ARID5B: variants seen among roughly 807,000 people sequenced by gnomAD.
ARID5B encodes AT-rich interactive domain-containing protein 5B.
In ARID5B, 13 loss-of-function variants were observed where a neutral mutation model predicts 97.2. That is an observed-to-expected ratio of 0.13 (90% CI 0.09 to 0.21). ARID5B has a LOEUF of 0.21. Among genes scored for constraint, ARID5B ranks in the 10% least tolerant of loss-of-function variants. ARID5B has a pLI of 1.00. For synonymous variants in ARID5B, 556 were observed against 570.3 expected (o/e 0.97, Z 0.36); for missense variants, 1,210 against 1,465.3 (o/e 0.83, Z 2.84).
chr10:61,925,897 G>C (rs570517913), intron 2 of ARID5B, among the ~76,000 whole-genome samples: 1 of 152,194 alleles, frequency 6.6e-6, no homozygotes, highest in Non-Finnish European at 1.5e-5. Flanking sequence ...GTGCCTCAGA[G>C]CAATCTTCTG....
intron 3 of ARID5B, among the ~76,000 whole-genome samples, chr10:61,952,508 G>T (rs1251742506): frequency 6.6e-6 from 1 of 152,146 alleles, no homozygotes; most frequent in Non-Finnish European, 1.5e-5. Context: ...AGACATCAAA[G>T]CTATACCTAG....
chr10:62,051,088 G>A lies in ARID5B; in HGVS notation c.846+88G>A, dbSNP rs752562816. 14 of 1,125,562 alleles carry A rather than the reference G, an allele frequency of 1.2e-5. No individual in the cohort carries two copies. The South Asian group carries it at 1.8e-4, about 15-fold the overall frequency. The allele number at this position is 1,125,562 out of a possible 1,614,324, so 69.7% of individuals were successfully genotyped here. A position where few individuals can be genotyped will look rare whatever the true frequency, so the allele number is the denominator to read the frequency against. ...TATCTCTCTGTGCCTGTGTCTTGGA[G>A]GCAGTTTTCAATTCAGCATCTGACT... is the stretch of plus-strand genomic sequence containing the variant. On this transcript the variant is annotated intron_variant, in intron 5 of 9. Coordinates refer to ENST00000279873, the MANE Select transcript of ARID5B (RefSeq NM_032199.3).
At chr10:61,984,735 C>A (rs1589246289) in intron 3 of ARID5B, among the ~76,000 whole-genome samples, 1 of 152,222 alleles carries the variant, frequency 6.6e-6, no homozygotes, top group Non-Finnish European at 1.5e-5. Flanking sequence ...AGCATTGCCA[C>A]CAAGGTTCTC....
At chr10:61,960,119 A>T (rs1243583236) in intron 3 of ARID5B, among the ~76,000 whole-genome samples, 1 of 152,114 alleles carries the variant, frequency 6.6e-6, no homozygotes, top group Non-Finnish European at 1.5e-5. Flanking sequence ...TTTTTCATGA[A>T]TGTGTAGGAA....
At chr10:62,027,379 G>A (rs1020235110) in intron 4 of ARID5B, among the ~76,000 whole-genome samples, 6 of 126,692 alleles carry the variant, frequency 4.7e-5, no homozygotes, top group Non-Finnish European at 9.4e-5. Context: ...CACAATCTCG[G>A]CTCACTGCAA....
intron 8 of ARID5B, among the ~76,000 whole-genome samples, chr10:62,071,285 C>T (rs940015589): frequency 1.3e-4 from 20 of 152,112 alleles, no homozygotes; most frequent in Non-Finnish European, 2.6e-4. Context: ...CCACCCACTT[C>T]GGCCTCCCAA....
chr10:61,975,942 G>T (rs1033776589), intron 3 of ARID5B, among the ~76,000 whole-genome samples: 1 of 152,072 alleles, frequency 6.6e-6, no homozygotes, highest in Non-Finnish European at 1.5e-5. Context: ...TCAGCATTTT[G>T]GGGGGAATCA....
intron 3 of ARID5B, among the ~76,000 whole-genome samples, chr10:61,991,449 G>A (rs1838924362): frequency 6.6e-6 from 1 of 152,078 alleles, no homozygotes; most frequent in East Asian, 1.9e-4. Context: ...CTAATGAAGA[G>A]CATTTTTTAA....
chr10:61,932,975 C>T (rs938167355), intron 2 of ARID5B, among the ~76,000 whole-genome samples: 1 of 152,074 alleles, frequency 6.6e-6, no homozygotes, highest in Non-Finnish European at 1.5e-5. Context: ...CCCACCTATT[C>T]GGGAGGCTGA....
chr10:62,011,857 T>A (rs941230734), intron 4 of ARID5B, among the ~76,000 whole-genome samples: 3 of 152,140 alleles, frequency 2.0e-5, no homozygotes, highest in Non-Finnish European at 4.4e-5. Context: ...CCTTTGCTCT[T>A]AATGCCATCC....
chr10:62,002,146 A>C (rs1455450582), intron 4 of ARID5B, among the ~76,000 whole-genome samples: 1 of 152,226 alleles, frequency 6.6e-6, no homozygotes, highest in Non-Finnish European at 1.5e-5. Context: ...AAAATGTTTT[A>C]ACCTTTCTGG....
chr10:61,962,329 A>G (rs914045280), intron 3 of ARID5B, among the ~76,000 whole-genome samples: 1 of 152,206 alleles, frequency 6.6e-6, no homozygotes, highest in Non-Finnish European at 1.5e-5. Context: ...GCACACAAAA[A>G]ACAAAGGTGA....
At chr10:61,932,374 G>C (rs963202991) in intron 2 of ARID5B, among the ~76,000 whole-genome samples, 2 of 151,792 alleles carry the variant, frequency 1.3e-5, no homozygotes, top group African/African-American at 2.4e-5. Context: ...AGGTTAGGGT[G>C]ACTGTGGCAA....
chr10:61,983,122 C>G (rs780667848), intron 3 of ARID5B, among the ~76,000 whole-genome samples: 3 of 152,090 alleles, frequency 2.0e-5, no homozygotes, highest in Non-Finnish European at 2.9e-5. Context: ...CTGTAAGTTT[C>G]AAAATTTGTT....
intron 3 of ARID5B, among the ~76,000 whole-genome samples, chr10:61,960,235 C>T (rs187169319): frequency 1.3e-5 from 2 of 152,242 alleles, no homozygotes; most frequent in Admixed American, 6.5e-5. Context: ...ACTGTCTGGA[C>T]AGCATGGAAA....
intron 3 of ARID5B, among the ~76,000 whole-genome samples, chr10:61,978,751 G>A (rs1347155296): frequency 6.6e-6 from 1 of 152,036 alleles, no homozygotes; most frequent in Non-Finnish European, 1.5e-5. Context: ...CAGCTTAAGG[G>A]GATTTTGGGC....
In ARID5B at chr10:62,093,034, C is replaced by T; in HGVS notation, c.*4C>T. ...GCACCCCAGTACAAAACTGTAGGCT[C>T]AGCTCTGCCCAGCAGTCCAAAGCGG... On this transcript the variant is annotated 3_prime_UTR_variant, in exon 10 of 10. Transcript: ENST00000279873. The T allele has an allele frequency of 1.3e-6, 2 of 1,597,482 alleles. No homozygotes were observed. Among genetic ancestry groups the T allele is most frequent in the African/African-American group, 1.3e-5 (1 of 74,910 alleles).
At chr10:61,901,882 TA>T (rs1843620876) in intron 1 of ARID5B, 152 bp downstream of exon 1, 2 of 731,590 alleles carry the variant, frequency 2.7e-6, no homozygotes, top group African/African-American at 1.7e-5. Flanking sequence ...TTTTATTGTT[TA>T]AAAAAATCCC....
In ARID5B at chr10:62,096,100, C is replaced by CAAAGTGCCCAT. The variant is rs1365280364; in HGVS notation, c.*3070_*3071insAAAGTGCCCAT. 1 of 233,438 alleles carries CAAAGTGCCCAT rather than the reference C, an allele frequency of 4.3e-6. No individual in the cohort carries two copies. 14.5% of individuals were successfully genotyped at this position (233,438 alleles called of 1,614,324 possible). On this transcript the variant is annotated 3_prime_UTR_variant, in exon 10 of 10. Transcript: ENST00000279873. ...GTATTCTTCTAGTAAGTGATTCAAA[C>CAAAGTGCCCAT]TTGTAATATTTGCCACAGGACTGAC...
Sources: allele counts gnomAD v4.1 joint callset (sites outside exome capture counted in the v4.1 genomes callset), GRCh38; gene constraint gnomAD v4.1.1; transcripts MANE v1.5; gene names NCBI Gene and HGNC (gene_info 2026-07-23, HGNC 2026-07-21).